The following SLC2A9 variants were observed in gnomAD, a reference collection of about 807,000 sequenced individuals.
SLC2A9 encodes solute carrier family 2 member 9, also known as solute carrier family 2, facilitated glucose transporter member 9.
Under a neutral mutation model 50.6 loss-of-function variants are expected in SLC2A9, and 39 were observed. The observed-to-expected ratio is 0.77, with a 90% CI of 0.60 to 1.01. The LOEUF is 1.01. Among genes scored for constraint, SLC2A9 ranks in the 50% least tolerant of loss-of-function variants. The pLI, the probability that SLC2A9 is intolerant of heterozygous loss-of-function variation, is 0.00. For missense variants in SLC2A9, 686 were observed against 677.6 expected, an observed-to-expected ratio of 1.01 and a Z score of -0.14; for synonymous variants, 324 against 276.9, an observed-to-expected ratio of 1.17 and a Z score of -1.69.
downstream of SLC2A9, among the ~76,000 whole-genome samples, chr4:9,774,926 C>T (rs972470889): frequency 6.6e-6 from 1 of 152,120 alleles, no homozygotes; most frequent in African/African-American, 2.4e-5. Flanking sequence ...CCAGCAGAGC[C>T]ACCCAGCCAA....
At chr4:9,879,177 A>G in intron 10 of SLC2A9, 1 of 985,126 alleles carries the variant, frequency 1.0e-6, no homozygotes, top group East Asian at 1.1e-4. Flanking sequence ...GTGGGGATAC[A>G]CTAGGAGTTA....
At chr4:9,809,898 C>T (rs923880989) in intron 3 of SLC2A9, among the ~76,000 whole-genome samples, 4 of 150,828 alleles carry the variant, frequency 2.7e-5, no homozygotes, top group African/African-American at 4.9e-5. Context: ...GTCAGGTCTC[C>T]GGTCTAGACA....
downstream of SLC2A9, among the ~76,000 whole-genome samples, chr4:9,798,347 C>T (rs537356903): frequency 1.4e-4 from 21 of 152,320 alleles, no homozygotes; most frequent in East Asian, 1.2e-3. Context: ...GTGGCACCTT[C>T]GCAATCAGTC....
intron 10 of SLC2A9, chr4:9,879,382 ATGTGTG>A (rs3834811): frequency 1.7e-6 from 1 of 589,692 alleles, no homozygotes; most frequent in Non-Finnish European, 2.1e-6. Flanking sequence ...TTATGTGTGT[ATGTGTG>A]TGTGTGTGTG....
At chr4:9,967,023 T>C (rs1252444706) in intron 5 of SLC2A9, among the ~76,000 whole-genome samples, 1 of 150,654 alleles carries the variant, frequency 6.6e-6, no homozygotes, top group Admixed American at 6.6e-5. Context: ...TTCAAAACTA[T>C]GTCAGAAACA....
intron 1 of SLC2A9, among the ~76,000 whole-genome samples, chr4:9,772,116 G>A (rs1716903544): frequency 6.6e-6 from 1 of 152,174 alleles, no homozygotes; most frequent in African/African-American, 2.4e-5. Flanking sequence ...GTTTTAGGAG[G>A]ATTGCCTTGG....
intron 10 of SLC2A9, among the ~76,000 whole-genome samples, chr4:9,858,345 A>G (rs894840251): frequency 1.3e-5 from 2 of 152,170 alleles, no homozygotes; most frequent in African/African-American, 4.8e-5. Context: ...TGTCTTTGTG[A>G]CTGTCTAGGG....
rs145731483 is a variant in SLC2A9 at position 9,983,122 on chromosome 4, C to A, written c.536-2385G>T. ...ACCTCAGGTGATCCGCCCGCCTCGG[C>A]CTCCCAAAGTGCTGGGATTACAGGT... On this transcript the variant is annotated intron_variant, in intron 4 of 11. Coordinates refer to ENST00000264784, the MANE Select transcript of SLC2A9 (RefSeq NM_020041.3). Among the ~76,000 whole-genome samples the A allele has an allele frequency of 2.8e-3, 425 of 152,326 alleles. 7 individuals carry two copies. Among genetic ancestry groups the A allele is most frequent in the African/African-American group, 1.0e-2 (415 of 41,564 alleles).
chr4:9,936,331 C>T (rs1485833252), intron 6 of SLC2A9, among the ~76,000 whole-genome samples: 2 of 152,130 alleles, frequency 1.3e-5, no homozygotes, highest in East Asian at 3.8e-4. Flanking sequence ...GAAAACTGAG[C>T]CTTTGAGATA....
At chr4:9,834,038 C>T (rs896306539) in intron 11 of SLC2A9, among the ~76,000 whole-genome samples, 1 of 152,200 alleles carries the variant, frequency 6.6e-6, no homozygotes. Context: ...CTGTTTCAGT[C>T]ATATAGGCCT....
chr4:9,895,945 A>T (rs147423187), intron 8 of SLC2A9, among the ~76,000 whole-genome samples: 1 of 152,340 alleles, frequency 6.6e-6, no homozygotes, highest in East Asian at 1.9e-4. Context: ...TGTAGTACAT[A>T]TCAACAGTTC....
At chr4:9,973,164 C>T (rs1373186219) in intron 5 of SLC2A9, among the ~76,000 whole-genome samples, 1 of 152,124 alleles carries the variant, frequency 6.6e-6, no homozygotes, top group Admixed American at 6.5e-5. Flanking sequence ...CTATTATGAA[C>T]ACTTCTAGGC....
rs375423927 is a variant in SLC2A9 at position 9,834,932 on chromosome 4, G to A, written c.1368C>T (p.Thr456=). The A allele has an allele frequency of 3.8e-5, 62 of 1,614,036 alleles. No homozygotes were observed. Among genetic ancestry groups the A allele is most frequent in the Non-Finnish European group, 4.7e-5 (55 of 1,180,038 alleles). ...CAGCAAAGTTGGAGAGCCAGTTGAC[G>A]GTGCCTGCAATGATGAAGGCAGCCG... ...QRPAAFIIAG[T]VNWLSNFAVG... Residue 456 remains threonine, a synonymous_variant, in exon 11 of 12, where the codon ACC becomes ACT. Transcript: ENST00000264784.
At chr4:9,793,750 A>T (rs1720254914) in intron 3 of SLC2A9, among the ~76,000 whole-genome samples, 1 of 152,240 alleles carries the variant, frequency 6.6e-6, no homozygotes, top group Non-Finnish European at 1.5e-5. Flanking sequence ...ATTTTCAACA[A>T]GAGCTAAAGG....
chr4:9,862,225 A>T (rs1268340140), intron 10 of SLC2A9, among the ~76,000 whole-genome samples: 1 of 152,054 alleles, frequency 6.6e-6, no homozygotes, highest in African/African-American at 2.4e-5. Context: ...TTGGATGCTT[A>T]TAGGTCTGGA....
downstream of SLC2A9, among the ~76,000 whole-genome samples, chr4:9,779,209 T>C (rs1717983646): frequency 6.6e-6 from 1 of 152,144 alleles, no homozygotes; most frequent in Admixed American, 6.5e-5. Flanking sequence ...CCCTTCCCTC[T>C]GTCTTCCCCT....
chr4:9,787,073 G>A (rs764087319), intron 3 of SLC2A9, among the ~76,000 whole-genome samples: 2 of 152,212 alleles, frequency 1.3e-5, no homozygotes, highest in Non-Finnish European at 2.9e-5. Context: ...CCATTTATTA[G>A]TCATCTGAAT....
chr4:9,949,128 T>G (rs1304935069), intron 5 of SLC2A9, among the ~76,000 whole-genome samples: 1 of 152,224 alleles, frequency 6.6e-6, no homozygotes, highest in Admixed American at 6.5e-5. Context: ...GGTACCAATT[T>G]CCATTAAAGC....
chr4:9,870,598 C>T (rs1467687365), intron 10 of SLC2A9, among the ~76,000 whole-genome samples: 1 of 152,200 alleles, frequency 6.6e-6, no homozygotes, highest in African/African-American at 2.4e-5. Flanking sequence ...GGAACACTGC[C>T]ACGTTTTCGC....
Sources: gnomAD v4.1 joint callset for allele counts (sites outside exome capture counted in the v4.1 genomes callset) on GRCh38, gnomAD v4.1.1 for gene constraint, MANE v1.5 for transcripts, NCBI Gene and HGNC (gene_info 2026-07-23, HGNC 2026-07-21) for gene names.